Variants in RFWD3 observed in about 807,000 individuals in gnomAD.
RFWD3 encodes the protein ring finger and WD repeat domain 3, also known as E3 ubiquitin-protein ligase RFWD3.
In RFWD3, 65 loss-of-function variants were observed where a neutral mutation model predicts 87.7. The observed-to-expected ratio is 0.74, with a 90% CI of 0.61 to 0.91. RFWD3 has a LOEUF of 0.91. Ranked by LOEUF, RFWD3 falls within the 40% of genes least tolerant of loss-of-function variation. The probability of loss-of-function intolerance (pLI) is 0.00; values close to 1 mark genes in which losing one functional copy is unlikely to be tolerated. For synonymous variants in RFWD3, 433 were observed against 352.8 expected (o/e 1.23, Z -2.55); for missense variants, 1,078 against 938.5 (o/e 1.15, Z -1.94).
At chr16:74,634,559 A>G (rs929071253) in intron 8 of RFWD3, among the ~76,000 whole-genome samples, 2 of 151,940 alleles carry the variant, frequency 1.3e-5, no homozygotes, top group Non-Finnish European at 2.9e-5. Flanking sequence ...TAGTTAAGAA[A>G]AATTTTTTTT....
At position 74,626,391 on chromosome 16, in the gene RFWD3, A is replaced by ATCAT. The variant is rs1567564688; in HGVS notation, c.2129_2132dup (p.Asp711GlufsTer2). ...CCCCAGTACACACCAGGATGTTGCC[A>ATCAT]TCATTCTCTGGGCTTTGGAAAATGG... On this transcript the variant is annotated stop_gained and frameshift_variant, in exon 12 of 13. Transcript: ENST00000361070. LOFTEE classifies it high-confidence loss of function. 1 of 1,614,240 alleles carries ATCAT rather than the reference A, an allele frequency of 6.2e-7. No individual in the cohort carries two copies. Among genetic ancestry groups the ATCAT allele is most frequent in the Non-Finnish European group, 8.5e-7 (1 of 1,180,040 alleles).
rs747901662 is a variant in RFWD3, at chr16:74,637,888, C to A, written c.1162G>T (p.Asp388Tyr). ...CGCCTTTGAAGCCTAGTGCACTTAT[C>A]AGTGAGGACCTGCAGTTGGAGTCGG... is the stretch of plus-strand genomic sequence containing the variant. ...QCRLQLQVLT[D>Y]KCTRLQRRVQ... Residue 388 changes from aspartate to tyrosine, a missense_variant, in exon 7 of 13, where the codon GAT becomes TAT. Transcript: ENST00000361070. The A allele has an allele frequency of 6.2e-7, 1 of 1,612,618 alleles. No individual in the cohort carries two copies. Among genetic ancestry groups the A allele is most frequent in the African/African-American group, 1.3e-5 (1 of 74,866 alleles).
At position 74,643,669 on chromosome 16, in the gene RFWD3, G is replaced by GCTTTTTTTTTTTTTTTTTTTTTTTTTT. The variant is rs56803461; in HGVS notation, c.1079+692_1079+693insAAAAAAAAAAAAAAAAAAAAAAAAAAG. On this transcript the variant is annotated intron_variant, in intron 6 of 12. Transcript: ENST00000361070. ...ATACTGAGTGGTGTTACTAGCAACT[G>GCTTTTTTTTTTTTTTTTTTTTTTTTTT]TTTTTTTTTTTTTTTTTTTTTTTTG... Among the ~76,000 whole-genome samples the GCTTTTTTTTTTTTTTTTTTTTTTTTTT allele has an allele frequency of 4.8e-5, 5 of 105,054 alleles. 2 individuals are homozygous for GCTTTTTTTTTTTTTTTTTTTTTTTTTT. Among genetic ancestry groups the GCTTTTTTTTTTTTTTTTTTTTTTTTTT allele is most frequent in the Admixed American group, 1.0e-4 (1 of 9,978 alleles). The allele number at this position is 105,054 out of a possible 152,430, so 68.9% of individuals were successfully genotyped here.
At chr16:74,646,470 C>T (rs1038593277) in intron 4 of RFWD3, among the ~76,000 whole-genome samples, 1 of 152,016 alleles carries the variant, frequency 6.6e-6, no homozygotes, top group Non-Finnish European at 1.5e-5. Flanking sequence ...CACCATACAC[C>T]AACCATGCTT....
At chr16:74,661,902 G>C (rs1451987163) in intron 1 of RFWD3, among the ~76,000 whole-genome samples, 3 of 152,144 alleles carry the variant, frequency 2.0e-5, no homozygotes, top group Non-Finnish European at 4.4e-5. Context: ...ATAGAGAAAG[G>C]ACATTTTTTA....
At chr16:74,660,064 A>C (rs1311698632) in intron 2 of RFWD3, among the ~76,000 whole-genome samples, 1 of 151,832 alleles carries the variant, frequency 6.6e-6, no homozygotes, top group Non-Finnish European at 1.5e-5. Context: ...CAAAAATAAC[A>C]ATAATAAAAA....
At chr16:74,665,019 T>A (rs1234122734) in intron 1 of RFWD3, among the ~76,000 whole-genome samples, 2 of 152,220 alleles carry the variant, frequency 1.3e-5, no homozygotes, top group African/African-American at 4.8e-5. Flanking sequence ...TTTTTATGTG[T>A]GCTGTGAGCG....
intron 4 of RFWD3, among the ~76,000 whole-genome samples, chr16:74,647,122 C>T (rs538432928): frequency 6.6e-6 from 1 of 151,480 alleles, no homozygotes; most frequent in South Asian, 2.1e-4. Flanking sequence ...GTACTGATAA[C>T]AGAAAGCTCT....
intron 2 of RFWD3, among the ~76,000 whole-genome samples, chr16:74,653,433 G>A (rs374331584): frequency 1.3e-5 from 2 of 151,590 alleles, no homozygotes; most frequent in African/African-American, 4.9e-5. Context: ...GAGAGTGAGC[G>A]AGCTATGGTT....
At chr16:74,664,650 G>A (rs1192153108) in intron 1 of RFWD3, 4 of 152,124 alleles carry the variant, frequency 2.6e-5, no homozygotes, top group Admixed American at 6.6e-5. Context: ...TTGGGAGGCT[G>A]AGGCAGGAGA....
intron 6 of RFWD3, among the ~76,000 whole-genome samples, chr16:74,641,212 G>A (rs146554355): frequency 6.6e-6 from 1 of 151,854 alleles, no homozygotes; most frequent in Non-Finnish European, 1.5e-5. Context: ...GCCCAAGCAG[G>A]AGTGCAATGG....
At chr16:74,650,016 A>C (rs1198798599) in intron 3 of RFWD3, among the ~76,000 whole-genome samples, 1 of 152,192 alleles carries the variant, frequency 6.6e-6, no homozygotes, top group African/African-American at 2.4e-5. Context: ...ATTTAGAGTC[A>C]ATCCACATTT....
At chr16:74,635,083 A>C (rs537147721) in intron 8 of RFWD3, among the ~76,000 whole-genome samples, 1 of 152,240 alleles carries the variant, frequency 6.6e-6, no homozygotes, top group South Asian at 2.1e-4. Context: ...GATTGAGACC[A>C]TCCTGGCTAA....
intron 2 of RFWD3, chr16:74,660,697 C>G: frequency 8.5e-6 from 4 of 471,808 alleles, no homozygotes. Context: ...AACAGCCAAT[C>G]TCTACAGAGA....
chr16:74,634,039 T>C (rs993366306), intron 8 of RFWD3, among the ~76,000 whole-genome samples: 2 of 152,142 alleles, frequency 1.3e-5, no homozygotes, highest in African/African-American at 4.8e-5. Context: ...CAGGGGTGTA[T>C]TACATATGTT....
chr16:74,647,295 AT>A (rs558356837), intron 4 of RFWD3, among the ~76,000 whole-genome samples: 2 of 149,480 alleles, frequency 1.3e-5, no homozygotes, highest in Non-Finnish European at 3.0e-5. Context: ...TGTTATTTTT[AT>A]TTTTTTTTTG....
At chr16:74,637,783 G>T (rs1444105431) in intron 7 of RFWD3, 73 bp downstream of exon 7, 1 of 1,080,628 alleles carries the variant, frequency 9.3e-7, no homozygotes, top group Non-Finnish European at 1.4e-6. Flanking sequence ...TTTCTGAGAT[G>T]AACATAACTA....
chr16:74,652,236 T>C, intron 2 of RFWD3, 114 bp from the exon 3 acceptor site: 1 of 918,750 alleles, frequency 1.1e-6, no homozygotes, highest in Non-Finnish European at 1.6e-6. Context: ...GGCCATTAAA[T>C]GCTGCCTTTG....
In RFWD3 at chr16:74,658,354, T is replaced by C. The variant is rs1175327871; in HGVS notation, c.518+2578A>G. ...CGCCCCAAACAAATCAGAAAGGAGT[T>C]TGTGACCTCAGCTAAGCCTGTTGGG... On this transcript the variant is annotated intron_variant, in intron 2 of 12. Coordinates refer to ENST00000361070, the MANE Select transcript of RFWD3 (RefSeq NM_018124.4). Among the ~76,000 whole-genome samples the C allele has an allele frequency of 2.0e-5, 3 of 152,214 alleles. No individual in the cohort carries two copies. In the South Asian group the frequency reaches 6.2e-4, roughly 31 times the overall value.
Sources: allele counts gnomAD v4.1 joint callset (sites outside exome capture counted in the v4.1 genomes callset), GRCh38; gene constraint gnomAD v4.1.1; transcripts MANE v1.5; gene names NCBI Gene and HGNC (gene_info 2026-07-23, HGNC 2026-07-21).